TAL1: variants seen among roughly 807,000 people sequenced by gnomAD.
TAL1 encodes the protein TAL bHLH transcription factor 1, erythroid differentiation factor.
In TAL1, 8 loss-of-function variants were observed where a neutral mutation model predicts 17.9. The observed-to-expected ratio is 0.45, with a 90% CI of 0.26 to 0.81. The LOEUF (loss-of-function observed/expected upper bound fraction) is 0.81, where lower values mean the gene tolerates loss of function less well. TAL1 is among the 30% of genes least tolerant of loss of function. The pLI, the probability that TAL1 is intolerant of heterozygous loss-of-function variation, is 0.17. For synonymous variants in TAL1, 223 were observed against 218.6 expected, an observed-to-expected ratio of 1.02 and a Z score of -0.18; for missense variants, 466 against 486.9, an observed-to-expected ratio of 0.96 and a Z score of 0.40.
intron 2 of TAL1, 121 bp downstream of exon 3, chr1:47,225,322 C>G (rs1462712831): frequency 1.0e-6 from 1 of 973,350 alleles, no homozygotes; most frequent in Non-Finnish European, 1.3e-6. Context: ...CCTCCTCTCC[C>G]TGCGCTCCAC....
chr1:47,225,908 A>G lies in TAL1; in HGVS notation c.-1-19T>C, dbSNP rs1643903440. The stretch of plus-strand genomic sequence containing the variant: ...GGTCATCCTGTGGGCAGACAGACAG[A>G]CAAGCGGATGCCCGCTCTGACGACC... On this transcript the variant is annotated intron_variant, in intron 1 of 3. Coordinates refer to ENST00000294339, the Ensembl canonical transcript of TAL1. 9.4e-7 allele frequency: 1 copy of G among 1,067,438 alleles called. No homozygotes were observed. The highest frequency in any genetic ancestry group is 1.4e-6 in the Non-Finnish European group (1 of 722,982). 66.1% of individuals were successfully genotyped at this position (1,067,438 alleles called of 1,614,324 possible).
chr1:47,219,794 G>A (rs773113434), exon 4 of TAL1: 1 of 1,611,982 alleles, frequency 6.2e-7, no homozygotes, highest in South Asian at 1.1e-5. Flanking sequence ...TTGGGCGCGG[G>A]CTCCTCCGTG....
rs758587375 is a variant in TAL1 at position 47,219,843 on chromosome 1, G to A, written c.873C>T (p.Cys291=). The A allele has an allele frequency of 3.7e-5, 59 of 1,600,062 alleles. No homozygotes were observed. In the South Asian group the frequency reaches 4.8e-4, roughly 13 times the overall value. Residue 291 remains cysteine (C), a synonymous_variant, in exon 4 of 4, where the codon TGC becomes TGT. Transcript: ENST00000294339. ...TGGCTGCCCCATCCAGGGAGCTGCC[G>A]CAGCTGGAGTTGGGGGAAAGCACGT...
exon 2 of TAL1, chr1:47,225,723 C>T: frequency 1.3e-6 from 2 of 1,494,676 alleles, no homozygotes; most frequent in Non-Finnish European, 8.8e-7. Flanking sequence ...CCTCCGCGCG[C>T]GCCCAGTTCG....
chr1:47,226,305 T>G, intron 1 of TAL1: 1 of 168,138 alleles, frequency 5.9e-6, no homozygotes. Context: ...GGGAACAAAT[T>G]CCGGATCGTG....
At chr1:47,218,057 C>G in exon 4 of TAL1, 1 of 289,308 alleles carries the variant, frequency 3.5e-6, no homozygotes, top group African/African-American at 2.1e-5. Flanking sequence ...AGGGCCCCAT[C>G]ATGGTGAGGA....
chr1:47,223,933 G>T, intron 3 of TAL1, 71 bp downstream of exon 4: 2 of 1,436,506 alleles, frequency 1.4e-6, no homozygotes, highest in Non-Finnish European at 2.0e-6. Context: ...AGTAGTCCCA[G>T]ATGTTCCCTC....
chr1:47,223,762 A>T, intron 3 of TAL1: 1 of 480,062 alleles, frequency 2.1e-6, no homozygotes, highest in South Asian at 3.4e-5. Flanking sequence ...GCTAAGCGCC[A>T]TTATGTGTCT....
At chr1:47,232,188 G>T, upstream of TAL1, 1 of 195,780 alleles carries the variant, frequency 5.1e-6, no homozygotes, top group South Asian at 1.7e-4. Context: ...ACGGGGGTAC[G>T]CGTGTGGCCA....
chr1:47,228,201 C>T lies in TAL1; in HGVS notation c.-2+995G>A, dbSNP rs534379150. On this transcript the variant is annotated intron_variant, in intron 1 of 3. Coordinates refer to ENST00000294339, the Ensembl canonical transcript of TAL1. ...CCCAGGATCTGTGGAGGACCTCTCCCGGCTCCTCCCCACATTTTAGGAAAA... is the reference window on the plus strand; with the variant it reads ...CCCAGGATCTGTGGAGGACCTCTCCTGGCTCCTCCCCACATTTTAGGAAAA... 5.8e-4 allele frequency: 97 copies of T among 168,294 alleles called. 1 individual carries two copies. Among genetic ancestry groups the T allele is most frequent in the African/African-American group, 1.9e-3 (81 of 42,056 alleles). 10.4% of individuals were successfully genotyped at this position (168,294 alleles called of 1,614,324 possible).
At chr1:47,219,902 C>T in exon 4 of TAL1, 1 of 1,526,380 alleles carries the variant, frequency 6.6e-7, no homozygotes, top group Non-Finnish European at 8.8e-7. Flanking sequence ...GCGCCGCCCC[C>T]TCCCCCACCT....
At chr1:47,220,275 T>A in intron 3 of TAL1, 101 bp from the exon 5 acceptor site, 1 of 1,398,078 alleles carries the variant, frequency 7.2e-7, no homozygotes, top group Admixed American at 2.9e-5. Context: ...GAATGCCTAC[T>A]TTCCTTTTAC....
At chr1:47,219,599 G>C in exon 4 of TAL1, 1 of 1,468,690 alleles carries the variant, frequency 6.8e-7, no homozygotes, top group South Asian at 1.2e-5. Flanking sequence ...CAGACATCCA[G>C]GAAAGTTCAA....
exon 2 of TAL1, chr1:47,225,796 C>T: frequency 6.4e-7 from 1 of 1,570,134 alleles, no homozygotes; most frequent in Non-Finnish European, 8.6e-7. Flanking sequence ...TCAGCAGGAC[C>T]AGGTGCGGGG....
At chr1:47,225,943 C>T (rs911964139) in intron 1 of TAL1, 54 bp from the exon 3 acceptor site, 1 of 1,536,484 alleles carries the variant, frequency 6.5e-7, no homozygotes, top group Non-Finnish European at 8.7e-7. Context: ...CGCCCCTGAC[C>T]CACCGACGTG....
At chr1:47,217,601 TCTA>T in exon 4 of TAL1, 1 of 398,628 alleles carries the variant, frequency 2.5e-6, no homozygotes, top group Non-Finnish European at 4.4e-6. Flanking sequence ...CTCAAAACTG[TCTA>T]CTTTCATGAT....
At chr1:47,219,197 C>A in exon 4 of TAL1, 1 of 433,626 alleles carries the variant, frequency 2.3e-6, no homozygotes, top group Non-Finnish European at 4.4e-6. Flanking sequence ...GACTCTGCAG[C>A]ATCTGGCAAG....
chr1:47,220,047 G>A (rs1430617279), exon 4 of TAL1: 6 of 1,613,868 alleles, frequency 3.7e-6, no homozygotes, highest in East Asian at 2.2e-5. Context: ...CATTCTTGCT[G>A]AGCTTCTTGT....
intron 3 of TAL1, among the ~76,000 whole-genome samples, chr1:47,221,481 G>A (rs1386591241): frequency 6.6e-6 from 1 of 152,162 alleles, no homozygotes; most frequent in Non-Finnish European, 1.5e-5. Context: ...GACTCACTGG[G>A]GATTTGTAAA....
Sources: allele counts gnomAD v4.1 joint callset (sites outside exome capture counted in the v4.1 genomes callset), GRCh38; gene constraint gnomAD v4.1.1; transcripts MANE v1.5; gene names NCBI Gene and HGNC (gene_info 2026-07-23, HGNC 2026-07-21).